The following CDH12 variants were observed in gnomAD, a reference collection of about 807,000 sequenced individuals.
CDH12 encodes the protein cadherin-12.
In CDH12, 41 loss-of-function variants were observed where a neutral mutation model predicts 74.1. The ratio of observed to expected loss-of-function variants is 0.55; its 90% CI spans 0.43 to 0.72. The LOEUF is 0.72. Ranked by LOEUF, CDH12 falls within the 30% of genes least tolerant of loss-of-function variation. The pLI, the probability that CDH12 is intolerant of heterozygous loss-of-function variation, is 0.00. For missense variants in CDH12, 945 were observed against 977.2 expected, an observed-to-expected ratio of 0.97 and a Z score of 0.44; for synonymous variants, 399 against 355.0, an observed-to-expected ratio of 1.12 and a Z score of -1.39.
chr5:22,448,955 T>C (rs566593941), intron 2 of CDH12, among the ~76,000 whole-genome samples: 1 of 151,998 alleles, frequency 6.6e-6, no homozygotes, highest in African/African-American at 2.4e-5. Flanking sequence ...AGAATCCTTA[T>C]CCACCTTAAA....
chr5:22,570,209 C>T lies in CDH12; in HGVS notation c.-522-64845G>A, dbSNP rs974546040. ...CAGCTGGGATTACAGGCGCCCACCA[C>T]CACACCTGGCTAATTTTTGTATTTT... On this transcript the variant is annotated intron_variant, in intron 1 of 14. Transcript: ENST00000382254. Among the ~76,000 whole-genome samples, 11 of 152,000 alleles carry T rather than the reference C, an allele frequency of 7.2e-5. No individual in the cohort carries two copies. In the East Asian group the frequency reaches 1.4e-3, roughly 19 times the overall value.
chr5:21,815,039 GTTAAA>G (rs1448840386), intron 9 of CDH12, among the ~76,000 whole-genome samples: 2 of 152,086 alleles, frequency 1.3e-5, no homozygotes, highest in African/African-American at 2.4e-5. Flanking sequence ...GATCATGTGG[GTTAAA>G]TTAATTTCTA....
At chr5:22,482,070 T>G (rs1260630294) in intron 2 of CDH12, among the ~76,000 whole-genome samples, 1 of 152,194 alleles carries the variant, frequency 6.6e-6, no homozygotes, top group African/African-American at 2.4e-5. Flanking sequence ...CATGTAAACT[T>G]TCAAAACAAT....
At chr5:22,400,758 G>T (rs958999786) in intron 3 of CDH12, among the ~76,000 whole-genome samples, 1 of 152,054 alleles carries the variant, frequency 6.6e-6, no homozygotes, top group African/African-American at 2.4e-5. Context: ...TGACCACTGG[G>T]AAGCGAGTGG....
intron 5 of CDH12, among the ~76,000 whole-genome samples, chr5:21,975,596 G>A (rs1757037478): frequency 6.6e-6 from 1 of 152,130 alleles, no homozygotes; most frequent in Non-Finnish European, 1.5e-5. Context: ...GTTGAAAACT[G>A]TGCGATGAAC....
At chr5:22,210,878 T>C (rs1250954928) in intron 4 of CDH12, among the ~76,000 whole-genome samples, 1 of 151,310 alleles carries the variant, frequency 6.6e-6, no homozygotes, top group Non-Finnish European at 1.5e-5. Context: ...ACAGCCACTG[T>C]AGTCAACACA....
At chr5:22,047,552 C>G (rs1230381521) in intron 5 of CDH12, among the ~76,000 whole-genome samples, 1 of 151,496 alleles carries the variant, frequency 6.6e-6, no homozygotes, top group Admixed American at 6.6e-5. Flanking sequence ...ATTGCCTAAG[C>G]TATTCATCAT....
chr5:22,273,702 A>G (rs531985172), intron 3 of CDH12, among the ~76,000 whole-genome samples: 2 of 152,156 alleles, frequency 1.3e-5, no homozygotes, highest in African/African-American at 4.8e-5. Context: ...AAAGTTATCA[A>G]AATGTGTTGC....
chr5:21,956,667 C>G (rs2917797), intron 6 of CDH12, among the ~76,000 whole-genome samples: 1 of 146,882 alleles, frequency 6.8e-6, no homozygotes, highest in South Asian at 2.2e-4. Flanking sequence ...TCTTCTGTTA[C>G]TTCTATTTTC....
chr5:22,515,115 T>A (rs981121809), intron 1 of CDH12, among the ~76,000 whole-genome samples: 1 of 152,138 alleles, frequency 6.6e-6, no homozygotes. Context: ...ATTATATGTA[T>A]CAAGAAATAA....
At chr5:22,217,303 C>T (rs934732761) in intron 3 of CDH12, among the ~76,000 whole-genome samples, 8 of 151,718 alleles carry the variant, frequency 5.3e-5, no homozygotes, top group Non-Finnish European at 1.0e-4. Flanking sequence ...GCCATCCTCT[C>T]TATTGTCCTG....
chr5:22,492,208 G>A (rs1356199363), intron 2 of CDH12, among the ~76,000 whole-genome samples: 1 of 152,052 alleles, frequency 6.6e-6, no homozygotes, highest in Non-Finnish European at 1.5e-5. Flanking sequence ...TCAGTATATA[G>A]GATGTGCAAA....
intron 6 of CDH12, among the ~76,000 whole-genome samples, chr5:21,949,216 C>T (rs541563534): frequency 1.0e-3 from 157 of 151,764 alleles, no homozygotes; most frequent in African/African-American, 3.6e-3. Flanking sequence ...GAAATAGGCC[C>T]GAGGCGGGCA....
intron 1 of CDH12, among the ~76,000 whole-genome samples, chr5:22,761,003 G>A (rs556285839): frequency 6.6e-6 from 1 of 152,204 alleles, no homozygotes; most frequent in South Asian, 2.1e-4. Flanking sequence ...AGTTGTTTGA[G>A]CAATATGTTT....
At position 22,080,800 on chromosome 5, in the gene CDH12, G is replaced by C. The variant is rs1053939392; in HGVS notation, c.-186-1938C>G. 8.1e-5 allele frequency among the ~76,000 whole-genome samples: 12 copies of C among 149,032 alleles called. No individual in the cohort carries two copies. In the East Asian group the frequency reaches 2.2e-3, roughly 27 times the overall value. On this transcript the variant is annotated intron_variant, in intron 4 of 14. Transcript: ENST00000382254. The stretch of plus-strand genomic sequence containing the variant: ...TTTCTTTTTTCTTTTTCTTTTTTTT[G>C]ATGGAGTCTTGCTGTGTCTCCCAGG...
chr5:22,198,890 T>TATTTATTG (rs1370088142), intron 4 of CDH12, among the ~76,000 whole-genome samples: 1 of 151,896 alleles, frequency 6.6e-6, no homozygotes, highest in Non-Finnish European at 1.5e-5. Context: ...TTTATTTATT[T>TATTTATTG]ATTTATTTAT....
chr5:22,036,842 A>T (rs1031722275), intron 5 of CDH12, among the ~76,000 whole-genome samples: 1 of 152,200 alleles, frequency 6.6e-6, no homozygotes, highest in Non-Finnish European at 1.5e-5. Flanking sequence ...AAAGGACAGC[A>T]TTTAGATAAC....
At chr5:21,924,441 A>G (rs1754497181) in intron 6 of CDH12, among the ~76,000 whole-genome samples, 1 of 152,146 alleles carries the variant, frequency 6.6e-6, no homozygotes, top group Non-Finnish European at 1.5e-5. Flanking sequence ...GCCTCCACTC[A>G]GGAGGCGGAG....
At chr5:22,416,160 C>T (rs1743381128) in intron 2 of CDH12, among the ~76,000 whole-genome samples, 1 of 147,970 alleles carries the variant, frequency 6.8e-6, no homozygotes, top group South Asian at 2.2e-4. Flanking sequence ...CTACAAGCTC[C>T]GCCTCCCAGG....
Sources: gnomAD v4.1 joint callset for allele counts (sites outside exome capture counted in the v4.1 genomes callset) on GRCh38, gnomAD v4.1.1 for gene constraint, MANE v1.5 for transcripts, NCBI Gene and HGNC (gene_info 2026-07-23, HGNC 2026-07-21) for gene names.